Variants in FAM13B observed in about 807,000 individuals in gnomAD.
FAM13B encodes family with sequence similarity 13 member B.
A neutral mutation model predicts 117.3 loss-of-function variants in FAM13B; 60 were observed. The ratio of observed to expected loss-of-function variants is 0.51; its 90% confidence interval spans 0.42 to 0.63. The LOEUF is 0.63. Ranked by LOEUF, FAM13B falls within the 30% of genes least tolerant of loss-of-function variation. The pLI is 0.00. For synonymous variants in FAM13B, 332 were observed against 356.1 expected, an observed-to-expected ratio of 0.93 and a Z score of 0.76; for missense variants, 972 against 1,091.9, an observed-to-expected ratio of 0.89 and a Z score of 1.55.
chr5:137,975,976 C>T (rs1299724051), intron 10 of FAM13B, among the ~76,000 whole-genome samples: 2 of 21,122 alleles, frequency 9.5e-5, no homozygotes, highest in African/African-American at 1.5e-4. Flanking sequence ...CTGCTCAACT[C>T]TTCCTTTTTT....
chr5:138,043,011 G>A (rs1174088596), intron 1 of FAM13B, among the ~76,000 whole-genome samples: 3 of 152,114 alleles, frequency 2.0e-5, no homozygotes, highest in Non-Finnish European at 2.9e-5. Context: ...AGAATCACTC[G>A]AACCCAGGAA....
intron 1 of FAM13B, 65 bp from the exon 2 acceptor site, chr5:138,021,262 G>A (rs1786632631): frequency 8.7e-7 from 1 of 1,146,682 alleles, no homozygotes; most frequent in African/African-American, 1.6e-5. Flanking sequence ...ACTATTAATA[G>A]AAGCAGCAGT....
At chr5:137,992,823 A>C (rs776415169) in intron 7 of FAM13B, among the ~76,000 whole-genome samples, 5 of 152,198 alleles carry the variant, frequency 3.3e-5, no homozygotes, top group Non-Finnish European at 5.9e-5. Flanking sequence ...ATAATTAGGG[A>C]ATACTTACTA....
chr5:137,983,374 G>A (rs1776369238), intron 10 of FAM13B, among the ~76,000 whole-genome samples: 1 of 152,036 alleles, frequency 6.6e-6, no homozygotes, highest in Admixed American at 6.6e-5. Flanking sequence ...TCGGAGGAAA[G>A]GATCACTGCA....
chr5:137,990,301 T>C (rs1043840504), intron 7 of FAM13B, among the ~76,000 whole-genome samples: 1 of 152,200 alleles, frequency 6.6e-6, no homozygotes, highest in Non-Finnish European at 1.5e-5. Flanking sequence ...TACTGAATGG[T>C]GTGGGGAAAA....
chr5:138,045,191 A>G (rs1581333285), intron 1 of FAM13B, among the ~76,000 whole-genome samples: 1 of 152,086 alleles, frequency 6.6e-6, no homozygotes, highest in African/African-American at 2.4e-5. Flanking sequence ...GAAACAAAAC[A>G]CTCCAGCCAC....
intron 9 of FAM13B, 74 bp downstream of exon 9, chr5:137,987,387 A>T: frequency 7.7e-7 from 1 of 1,298,782 alleles, no homozygotes; most frequent in Non-Finnish European, 1.0e-6. Context: ...AGATCCTGTT[A>T]TTTAAGTAGC....
chr5:137,968,358 T>G (rs1354501970), intron 10 of FAM13B, among the ~76,000 whole-genome samples: 1 of 151,392 alleles, frequency 6.6e-6, no homozygotes, highest in Non-Finnish European at 1.5e-5. Flanking sequence ...TGAGACTCAC[T>G]TGAATCTGGG....
intron 15 of FAM13B, 129 bp downstream of exon 15, chr5:137,954,033 ATCTC>A (rs901136343): frequency 1.9e-5 from 12 of 641,016 alleles, no homozygotes; most frequent in African/African-American, 9.5e-5. Context: ...AGAAGACTCA[ATCTC>A]TCTCTTTTTT....
chr5:137,951,254 A>G, intron 17 of FAM13B, among the ~76,000 whole-genome samples: 1 of 151,368 alleles, frequency 6.6e-6, no homozygotes, highest in Non-Finnish European at 1.5e-5. Context: ...AGAGGCAAAC[A>G]TTATCTTAAC....
chr5:137,999,187 C>T (rs1475593440), intron 7 of FAM13B, among the ~76,000 whole-genome samples: 2 of 150,812 alleles, frequency 1.3e-5, no homozygotes, highest in Non-Finnish European at 2.9e-5. Flanking sequence ...AATCATGGCT[C>T]ACTGTAGCCT....
chr5:137,962,564 G>A, intron 10 of FAM13B, 95 bp from the exon 11 acceptor site: 1 of 1,010,650 alleles, frequency 9.9e-7, no homozygotes, highest in Non-Finnish European at 1.5e-6. Flanking sequence ...ATACAGATTA[G>A]TCAAACACCC....
intron 14 of FAM13B, among the ~76,000 whole-genome samples, chr5:137,955,785 C>A (rs1766348198): frequency 2.0e-5 from 3 of 152,142 alleles, no homozygotes; most frequent in Admixed American, 1.3e-4. Context: ...GCGCCTGCTA[C>A]CATGTTTGGC....
chr5:138,026,572 T>C (rs116565672), intron 1 of FAM13B, among the ~76,000 whole-genome samples: 1,939 of 136,160 alleles, frequency 0.014, 33 homozygotes, highest in African/African-American at 0.05. Flanking sequence ...AGGCTTCCAG[T>C]GAGCTGTGAT....
intron 6 of FAM13B, among the ~76,000 whole-genome samples, chr5:138,009,740 G>A (rs1282378111): frequency 6.7e-6 from 1 of 149,788 alleles, no homozygotes; most frequent in Non-Finnish European, 1.5e-5. Flanking sequence ...GGGAGACAGG[G>A]GTTGCAGTGA....
At chr5:137,978,822 C>T (rs535709043) in intron 10 of FAM13B, among the ~76,000 whole-genome samples, 4 of 152,316 alleles carry the variant, frequency 2.6e-5, no homozygotes, top group African/African-American at 9.6e-5. Context: ...GCCTCCACCA[C>T]CAGCCACAGC....
chr5:137,945,735 T>C (rs747250066), intron 20 of FAM13B, among the ~76,000 whole-genome samples, 167 bp downstream of exon 20: 4 of 152,250 alleles, frequency 2.6e-5, no homozygotes, highest in South Asian at 2.1e-4. Context: ...TGGGATATAC[T>C]AGCAGACATT....
chr5:137,966,222 A>C (rs752320596), intron 10 of FAM13B, among the ~76,000 whole-genome samples: 3 of 151,798 alleles, frequency 2.0e-5, no homozygotes, highest in Non-Finnish European at 4.4e-5. Context: ...GGATCACCTG[A>C]GGTCAGGCGT....
intron 7 of FAM13B, among the ~76,000 whole-genome samples, chr5:137,994,963 A>C (rs1377140456): frequency 1.3e-5 from 2 of 152,238 alleles, no homozygotes; most frequent in Non-Finnish European, 2.9e-5. Flanking sequence ...ACGATATTTC[A>C]ATAAAAGTAT....
Sources: gnomAD v4.1 joint callset for allele counts (sites outside exome capture counted in the v4.1 genomes callset) on GRCh38, gnomAD v4.1.1 for gene constraint, MANE v1.5 for transcripts, NCBI Gene and HGNC (gene_info 2026-07-23, HGNC 2026-07-21) for gene names.